The following SASH1 variants were observed in gnomAD, a reference collection of about 807,000 sequenced individuals.
SASH1 encodes SAM and SH3 domain containing 1.
SASH1 carries 44 observed loss-of-function variants against 125.2 expected under a neutral mutation model. The observed-to-expected ratio is 0.35, with a 90% CI of 0.28 to 0.45. SASH1 has a LOEUF of 0.45. Ranked by LOEUF, SASH1 falls within the 20% of genes least tolerant of loss-of-function variation. The pLI, the probability that SASH1 is intolerant of heterozygous loss-of-function variation, is 1.00. For synonymous variants in SASH1, 639 were observed against 649.1 expected, an observed-to-expected ratio of 0.98 and a Z score of 0.24; for missense variants, 1,426 against 1,614.5, an observed-to-expected ratio of 0.88 and a Z score of 2.00.
In SASH1 at chr6:148,390,677, A is replaced by C. The variant is rs186743340; in HGVS notation, c.285+415A>C. 6.9e-3 allele frequency among the ~76,000 whole-genome samples: 1,045 copies of C among 151,786 alleles called. 14 individuals are homozygous for C. The highest frequency in any genetic ancestry group is 0.024 in the African/African-American group (982 of 41,394). On this transcript the variant is annotated intron_variant, in intron 2 of 19. Coordinates refer to ENST00000367467, the MANE Select transcript of SASH1 (RefSeq NM_015278.5). ...GTGATGGGTGCCTGTAGTCCCAGCT[A>C]CTCGGGAGGCTGAGGCAGGAGACTG...
At chr6:148,244,494 G>A in the SASH1 span, among the ~76,000 whole-genome samples, 1 of 152,160 alleles carries the variant, frequency 6.6e-6, no homozygotes, top group Non-Finnish European at 1.5e-5. Context: ...TTATTATGAT[G>A]ATACAAATGT....
At position 148,471,386 on chromosome 6, in the gene SASH1, CTTTTTTTTTTT is replaced by C. The variant is rs35487674; in HGVS notation, c.428-14_428-4del. On this transcript the variant is annotated intron_variant, in intron 5 of 19. Coordinates refer to ENST00000367467, the MANE Select transcript of SASH1 (RefSeq NM_015278.5). The stretch of plus-strand genomic sequence containing the variant: ...GAATTTATTGCTTGTGCTTTTTGTT[CTTTTTTTTTTT>C]TTTTTTTTTTTTTTTTAAGGAAAAG... 2,337 of 503,468 alleles carry C rather than the reference CTTTTTTTTTTT, an allele frequency of 4.6e-3. 9 individuals are homozygous for C. Among genetic ancestry groups the C allele is most frequent in the Non-Finnish European group, 4.9e-3 (1,661 of 340,618 alleles). The allele number at this position is 503,468 out of a possible 1,614,324, so 31.2% of individuals were successfully genotyped here.
Position 148,544,800 on chromosome 6 carries a change from G to A in SASH1, c.3330G>A (p.Glu1110=). The A allele has an allele frequency of 6.3e-7, 1 of 1,593,848 alleles. No individual in the cohort carries two copies. Among genetic ancestry groups the A allele is most frequent in the African/African-American group, 1.3e-5 (1 of 74,850 alleles). Reference sequence around the variant, plus strand: ...ACGCTGAAGGCATCGATCTCACGGAGGAGCCGTATTCTGATAAGGTATCAA... The same window carrying A: ...ACGCTGAAGGCATCGATCTCACGGAAGAGCCGTATTCTGATAAGGTATCAA... ...KLHAEGIDLT[E]EPYSDKHGRC... is the part of the protein sequence containing the mutation. The change falls in exon 18 of 20, where the codon GAG becomes GAA. Residue 1110 remains glutamate (E), a synonymous_variant. Coordinates refer to ENST00000367467, the MANE Select transcript of SASH1 (RefSeq NM_015278.5). The surrounding 1 kb of genome is among the most constrained non-coding windows in gnomAD (Gnocchi z 6.4).
At chr6:148,220,664 C>T in the SASH1 span, among the ~76,000 whole-genome samples, 6 of 152,172 alleles carry the variant, frequency 3.9e-5, no homozygotes, top group African/African-American at 1.2e-4. Flanking sequence ...CCTGTAATCC[C>T]AGCACTTTGG....
chr6:148,228,788 G>A, the SASH1 span, among the ~76,000 whole-genome samples: 1 of 152,128 alleles, frequency 6.6e-6, no homozygotes, highest in Non-Finnish European at 1.5e-5. Flanking sequence ...AAATTGGTTT[G>A]TAGTACAAAG....
chr6:148,349,248 C>CTTTTTT (rs1781627053), intron 1 of SASH1, among the ~76,000 whole-genome samples: 3 of 66,240 alleles, frequency 4.5e-5, no homozygotes, highest in East Asian at 4.7e-4. Flanking sequence ...TTTCTTCTTT[C>CTTTTTT]TTTCTTTTTT....
intron 12 of SASH1, 23 bp from the exon 13 acceptor site, chr6:148,531,503 C>G (rs560272256): frequency 6.8e-7 from 1 of 1,463,514 alleles, no homozygotes; most frequent in African/African-American, 1.4e-5. Flanking sequence ...TGAACTTCTT[C>G]ATTTTGTTGA....
At chr6:148,360,774 A>G (rs1374486864) in intron 1 of SASH1, among the ~76,000 whole-genome samples, 2 of 152,226 alleles carry the variant, frequency 1.3e-5, no homozygotes, top group African/African-American at 4.8e-5. Flanking sequence ...GTTAAACACT[A>G]TACTAAGCTC....
chr6:148,241,852 G>A, the SASH1 span, among the ~76,000 whole-genome samples: 1 of 152,152 alleles, frequency 6.6e-6, no homozygotes, highest in Non-Finnish European at 1.5e-5. Flanking sequence ...AGGGATTCCA[G>A]TAGATCATAC....
At chr6:148,268,371 C>T (rs1778989576), upstream of SASH1, among the ~76,000 whole-genome samples, 1 of 152,162 alleles carries the variant, frequency 6.6e-6, no homozygotes, top group South Asian at 2.1e-4. Flanking sequence ...TACCCTATTA[C>T]TTGAAGCTCA....
the SASH1 span, among the ~76,000 whole-genome samples, chr6:148,201,258 A>G: frequency 1.3e-5 from 2 of 152,236 alleles, no homozygotes; most frequent in East Asian, 1.9e-4. Context: ...GCTAGGTATT[A>G]TCTAATTTTG....
intron 1 of SASH1, among the ~76,000 whole-genome samples, chr6:148,295,750 G>A (rs1324468640): frequency 6.6e-6 from 1 of 152,206 alleles, no homozygotes; most frequent in Non-Finnish European, 1.5e-5. Context: ...GAACGGTGCA[G>A]AATTGTTCCT....
chr6:148,509,774 A>G (rs1780013183), intron 8 of SASH1, among the ~76,000 whole-genome samples: 1 of 152,234 alleles, frequency 6.6e-6, no homozygotes. Flanking sequence ...GCTCCGGCAC[A>G]CAAATGTTTG....
intron 8 of SASH1, among the ~76,000 whole-genome samples, chr6:148,499,604 C>A (rs1173583398): frequency 6.6e-6 from 1 of 152,126 alleles, no homozygotes; most frequent in Non-Finnish European, 1.5e-5. Flanking sequence ...GAAAGTCCAG[C>A]AAGCCCCAGC....
chr6:148,265,871 C>T, the SASH1 span, among the ~76,000 whole-genome samples: 6,074 of 152,232 alleles, frequency 0.04, 177 homozygotes, highest in East Asian at 0.14. Context: ...CATGCTTTTG[C>T]GTGACTGGCT....
chr6:148,409,396 A>T (rs752468031), intron 2 of SASH1, among the ~76,000 whole-genome samples: 10 of 152,262 alleles, frequency 6.6e-5, no homozygotes, highest in African/African-American at 9.6e-5. Flanking sequence ...TCAACTCTCA[A>T]ATTCAGTTTT....
rs553465362 is a variant in SASH1, at chr6:148,386,731, T to C, written c.157-3403T>C. 5.9e-5 allele frequency among the ~76,000 whole-genome samples: 9 copies of C among 152,296 alleles called. 1 individual carries two copies. In the South Asian group the frequency reaches 1.9e-3, roughly 32 times the overall value. On this transcript the variant is annotated intron_variant, in intron 1 of 19. Transcript: ENST00000367467. ...GCCCAGGATCTTCCAGGGTCCCCGG[T>C]TGTGATAGGGATCAGATCTGTAACT...
chr6:148,241,777 T>G, the SASH1 span, among the ~76,000 whole-genome samples: 2 of 152,190 alleles, frequency 1.3e-5, no homozygotes, highest in African/African-American at 4.8e-5. Context: ...CTTAACTCCT[T>G]CACGCTTCAA....
chr6:148,265,353 G>A, the SASH1 span, among the ~76,000 whole-genome samples: 4 of 140,588 alleles, frequency 2.8e-5, no homozygotes, highest in African/African-American at 7.6e-5. Context: ...AGGAGGGAGG[G>A]AAGGAGGGAC....
Sources: gnomAD v4.1 joint callset for allele counts (sites outside exome capture counted in the v4.1 genomes callset) on GRCh38, gnomAD v4.1.1 for gene constraint, Gnocchi (gnomAD v3.1) non-coding constraint, MANE v1.5 for transcripts, NCBI Gene and HGNC (gene_info 2026-07-23, HGNC 2026-07-21) for gene names.